The following EPN1 variants were observed in gnomAD, a reference collection of about 807,000 sequenced individuals.
The protein encoded by EPN1 is epsin-1.
In EPN1, 25 loss-of-function variants were observed where a neutral mutation model predicts 56.9. That is an observed-to-expected ratio of 0.44 (90% confidence interval 0.32 to 0.61). EPN1 has a LOEUF of 0.61. Ranked by LOEUF, EPN1 falls within the 20% of genes least tolerant of loss-of-function variation. The pLI is 0.05. For synonymous variants in EPN1, 411 were observed against 361.8 expected (o/e 1.14, Z -1.54); for missense variants, 785 against 823.7 (o/e 0.95, Z 0.58).
At chr19:55,690,187 T>G (rs1986446463) in intron 6 of EPN1, among the ~76,000 whole-genome samples, 1 of 152,216 alleles carries the variant, frequency 6.6e-6, no homozygotes, top group Non-Finnish European at 1.5e-5. Flanking sequence ...GCCATCCCCC[T>G]TCGGGCTGAG....
intron 2 of EPN1, among the ~76,000 whole-genome samples, chr19:55,684,054 A>G (rs912058396): frequency 9.2e-5 from 14 of 152,314 alleles, no homozygotes; most frequent in South Asian, 4.1e-4. Context: ...AGGCATAGCA[A>G]TGGCTTACCT....
intron 6 of EPN1, among the ~76,000 whole-genome samples, chr19:55,690,510 GT>G (rs544359030): frequency 1.2e-3 from 176 of 152,360 alleles, no homozygotes; most frequent in African/African-American, 4.1e-3. Context: ...CTGGCTGGTT[GT>G]TTCGTGTCAT....
At position 55,706,972 on chromosome 19, in the gene EPN1, T is replaced by A. The variant is rs1987454384; in HGVS notation, c.*11616T>A. On this transcript the variant is annotated 3_prime_UTR_variant, in exon 11 of 11. Transcript: ENST00000270460. Reference sequence around the variant, plus strand: ...GGCGGATTACCTCAGGTCAGGAGTTTGAGACCAGCCTGACCAACATGGCAA... The same window carrying A: ...GGCGGATTACCTCAGGTCAGGAGTTAGAGACCAGCCTGACCAACATGGCAA... 1 of 151,976 alleles carries A rather than the reference T, an allele frequency of 6.6e-6. No individual in the cohort carries two copies. The highest frequency in any genetic ancestry group is 6.6e-5 in the Admixed American group (1 of 15,250). 9.4% of individuals were successfully genotyped at this position (151,976 alleles called of 1,614,324 possible).
At position 55,690,535 on chromosome 19, in the gene EPN1, C is replaced by G. The variant is rs1397695413; in HGVS notation, c.762+585C>G. Among the ~76,000 whole-genome samples, 2 of 152,244 alleles carry G rather than the reference C, an allele frequency of 1.3e-5. 1 individual carries two copies. The highest frequency in any genetic ancestry group is 2.9e-5 in the Non-Finnish European group (2 of 68,036). On this transcript the variant is annotated intron_variant, in intron 6 of 10. Coordinates refer to ENST00000270460, the MANE Select transcript of EPN1 (RefSeq NM_001130072.2). ...GTTTCGTGTCATGGCTGAGGTCACT[C>G]ATGCCTCTGGGCCCGGGGTGTCCGC...
Position 55,691,665 on chromosome 19 carries a change from C to T in EPN1, c.763-89C>T, listed in dbSNP as rs1600107134. The T allele has an allele frequency of 4.1e-6, 5 of 1,221,630 alleles. No individual in the cohort carries two copies. In the East Asian group the frequency reaches 9.8e-5, roughly 24 times the overall value. The allele number at this position is 1,221,630 out of a possible 1,614,324, so 75.7% of individuals were successfully genotyped here. ...TGCTGTCTGGACACCCAGGGCCTGGCCGCCTCCCCCGCCACGGGCCCCAGC... is the reference window on the plus strand; with the variant it reads ...TGCTGTCTGGACACCCAGGGCCTGGTCGCCTCCCCCGCCACGGGCCCCAGC... On this transcript the variant is annotated intron_variant, in intron 6 of 10. Transcript: ENST00000270460. This position sits in a 1 kb window ranked among gnomAD's most constrained non-coding sequence, Gnocchi z 5.6.
Position 55,691,967 on chromosome 19 carries a change from C to T in EPN1, c.976C>T (p.Pro326Ser), listed in dbSNP as rs766998303. The T allele has an allele frequency of 6.6e-7, 1 of 1,509,752 alleles. No homozygotes were observed. The highest frequency in any genetic ancestry group is 2.3e-5 in the East Asian group (1 of 42,814). The allele number at this position is 1,509,752 out of a possible 1,614,324, so 93.5% of individuals were successfully genotyped here. A position where few individuals can be genotyped will look rare whatever the true frequency, so the allele number is the denominator to read the frequency against. The change falls in exon 7 of 11, where the codon CCT (proline) becomes TCT (serine). Residue 326 changes from proline (P) to serine (S), a missense_variant. Pro to Ser is a moderately conservative substitution (Grantham distance 74). Transcript: ENST00000270460. This position sits in a 1 kb window ranked among gnomAD's most constrained non-coding sequence, Gnocchi z 5.6. ...ASGDPWRPAA[P>S]AGPSVDPWGG... ...TGGGGACCCCTGGAGGCCTGCTGCC[C>T]CTGCAGGACCCTCAGTTGACCCTTG...
intron 9 of EPN1, among the ~76,000 whole-genome samples, chr19:55,693,625 C>T (rs3786642): frequency 0.16 from 24,464 of 152,178 alleles, 2,265 homozygotes; most frequent in African/African-American, 0.25. Flanking sequence ...GGTGCTTCGC[C>T]GCGGCCCTCA....
chr19:55,708,825 T>C lies in EPN1; in HGVS notation c.*13469T>C, dbSNP rs1042695302. 1 of 867,254 alleles carries C rather than the reference T, an allele frequency of 1.2e-6. No homozygotes were observed. The allele number at this position is 867,254 out of a possible 1,614,324, so 53.7% of individuals were successfully genotyped here. A position where few individuals can be genotyped will look rare whatever the true frequency, so the allele number is the denominator to read the frequency against. ...AAATCACAGCCCTGCTGCCATGATG[T>C]GCAATTACAGGATAGAGGTGCCAGG... is the stretch of plus-strand genomic sequence containing the variant. On this transcript the variant is annotated 3_prime_UTR_variant, in exon 11 of 11. Coordinates refer to ENST00000270460, the MANE Select transcript of EPN1 (RefSeq NM_001130072.2).
chr19:55,695,595 G>T lies in EPN1; in HGVS notation c.*239G>T, dbSNP rs1171065216. The T allele has an allele frequency of 3.9e-6, 2 of 509,872 alleles. No homozygotes were observed. The highest frequency in any genetic ancestry group is 3.2e-5 in the East Asian group (1 of 31,192). 31.6% of individuals were successfully genotyped at this position (509,872 alleles called of 1,614,324 possible). A position where few individuals can be genotyped will look rare whatever the true frequency, so the allele number is the denominator to read the frequency against. ...GACCCCTTTCCCGTGGCATTAGAAG[G>T]GGGAGGGGTGGCTGGGGCCCCCACC... On this transcript the variant is annotated 3_prime_UTR_variant, in exon 11 of 11. Coordinates refer to ENST00000270460, the MANE Select transcript of EPN1 (RefSeq NM_001130072.2). This position sits in a 1 kb window ranked among gnomAD's most constrained non-coding sequence, Gnocchi z 4.4.
Position 55,688,919 on chromosome 19 carries a change from G to A in EPN1, c.528G>A (p.Ala176=), listed in dbSNP as rs61736526. 4.2e-3 allele frequency: 6,672 copies of A among 1,589,508 alleles called. 262 individuals are homozygous for A. The African/African-American group carries it at 0.077, about 18-fold the overall frequency. The part of the protein sequence containing the change: ...GSGPPPEAEQ[A]WPQSSGEEEL... ...GCCCCCCTCCCGAGGCGGAGCAGGC[G>A]TGGCCGCAGAGCAGCGGGGAGGAGG... The change falls in exon 4 of 11, where the codon GCG becomes GCA. Residue 176 remains alanine, a synonymous_variant. Transcript: ENST00000270460.
Position 55,705,736 on chromosome 19 carries a change from G to T in EPN1, c.*10380G>T, listed in dbSNP as rs1254303792. 1 of 150,430 alleles carries T rather than the reference G, an allele frequency of 6.6e-6. No homozygotes were observed. Among genetic ancestry groups the T allele is most frequent in the Admixed American group, 6.6e-5 (1 of 15,068 alleles). 9.3% of individuals were successfully genotyped at this position (150,430 alleles called of 1,614,324 possible). A position where few individuals can be genotyped will look rare whatever the true frequency, so the allele number is the denominator to read the frequency against. On this transcript the variant is annotated 3_prime_UTR_variant, in exon 11 of 11. Coordinates refer to ENST00000270460, the MANE Select transcript of EPN1 (RefSeq NM_001130072.2). ...AAAATCTTGAAAGTATCGAGAAAAT[G>T]ACATGTCAATCATAAGGTCAGGTTC...
chr19:55,689,794 C>A lies in EPN1; in HGVS notation c.679-73C>A. The A allele has an allele frequency of 7.0e-7, 1 of 1,419,540 alleles. No homozygotes were observed. The highest frequency in any genetic ancestry group is 9.7e-7 in the Non-Finnish European group (1 of 1,028,854). 87.9% of individuals were successfully genotyped at this position (1,419,540 alleles called of 1,614,324 possible). Reference sequence around the variant, plus strand: ...GTTGGGGTGGGAGGGGTTGCTGGGGCTTCCAGGCTGAGGTGGCATCTGCCC... The same window carrying A: ...GTTGGGGTGGGAGGGGTTGCTGGGGATTCCAGGCTGAGGTGGCATCTGCCC... On this transcript the variant is annotated intron_variant, in intron 5 of 10. Transcript: ENST00000270460. The surrounding 1 kb of genome is among the most constrained non-coding windows in gnomAD (Gnocchi z 5.7).
At chr19:55,680,541 T>TG (rs1380608342) in intron 2 of EPN1, 1 of 152,376 alleles carries the variant, frequency 6.6e-6, no homozygotes, top group Non-Finnish European at 1.5e-5. Flanking sequence ...GGGGGAGGGT[T>TG]GATGGCGTCT....
intron 2 of EPN1, among the ~76,000 whole-genome samples, chr19:55,684,797 G>GAGGCC (rs1986054180): frequency 1.3e-5 from 2 of 152,212 alleles, no homozygotes; most frequent in South Asian, 4.1e-4. Flanking sequence ...TGTTACTTTA[G>GAGGCC]ATTTTAGTTG....
In EPN1 at chr19:55,706,274, TTTCTTC is replaced by T. The variant is rs202183851; in HGVS notation, c.*10924_*10929del. On this transcript the variant is annotated 3_prime_UTR_variant, in exon 11 of 11. Transcript: ENST00000270460. ...TCCTCTTTTCTTCCTTTCTTCTCTTTTTCTTCTTCTTTTTTTTTTTTTTTTAAAAGA... is the reference window on the plus strand; with the variant it reads ...TCCTCTTTTCTTCCTTTCTTCTCTTTTTCTTTTTTTTTTTTTTTTAAAAGA... 5 of 125,234 alleles carry T rather than the reference TTTCTTC, an allele frequency of 4.0e-5. No homozygotes were observed. Among genetic ancestry groups the T allele is most frequent in the Non-Finnish European group, 7.8e-5 (5 of 63,860 alleles). 7.8% of individuals were successfully genotyped at this position (125,234 alleles called of 1,614,324 possible). A position where few individuals can be genotyped will look rare whatever the true frequency, so the allele number is the denominator to read the frequency against.
Position 55,695,128 on chromosome 19 carries a change from C to T in EPN1, c.1523-20C>T, listed in dbSNP as rs1213566404. 6.2e-7 allele frequency: 1 copy of T among 1,613,622 alleles called. No individual in the cohort carries two copies. Among genetic ancestry groups the T allele is most frequent in the South Asian group, 1.1e-5 (1 of 91,070 alleles). ...GCGCCACTGACTCCACTCCGTGTCT[C>T]TGGTTTACTCTTCCTGCAGGAGGCC... is the stretch of plus-strand genomic sequence containing the variant. On this transcript the variant is annotated intron_variant, in intron 10 of 10. Coordinates refer to ENST00000270460, the MANE Select transcript of EPN1 (RefSeq NM_001130072.2). This position sits in a 1 kb window ranked among gnomAD's most constrained non-coding sequence, Gnocchi z 4.4.
At chr19:55,690,529 G>A (rs1302564614) in intron 6 of EPN1, among the ~76,000 whole-genome samples, 3 of 152,210 alleles carry the variant, frequency 2.0e-5, no homozygotes, top group African/African-American at 7.2e-5. Flanking sequence ...CATGGCTGAG[G>A]TCACTCATGC....
chr19:55,702,514 C>G lies in EPN1; in HGVS notation c.*7158C>G, dbSNP rs957282947. 4 of 152,178 alleles carry G rather than the reference C, an allele frequency of 2.6e-5. No individual in the cohort carries two copies. The highest frequency in any genetic ancestry group is 5.9e-5 in the Non-Finnish European group (4 of 68,048). The allele number at this position is 152,178 out of a possible 1,614,324, so 9.4% of individuals were successfully genotyped here. ...ATGTGGCTTGGTGATTACCCAGGAA[C>G]CTCCCAAGTCTGTGCCCGAGTTGCT... is the stretch of plus-strand genomic sequence containing the variant. On this transcript the variant is annotated 3_prime_UTR_variant, in exon 11 of 11. Transcript: ENST00000270460.
rs1600116765 is a variant in EPN1 at position 55,704,603 on chromosome 19, G to A, written c.*9247G>A. 6.6e-6 allele frequency: 1 copy of A among 152,206 alleles called. No individual in the cohort carries two copies. The highest frequency in any genetic ancestry group is 2.4e-5 in the African/African-American group (1 of 41,434). 9.4% of individuals were successfully genotyped at this position (152,206 alleles called of 1,614,324 possible). A position where few individuals can be genotyped will look rare whatever the true frequency, so the allele number is the denominator to read the frequency against. On this transcript the variant is annotated 3_prime_UTR_variant, in exon 11 of 11. Transcript: ENST00000270460. ...CTCCCAGCTGGCGGTACTTTGTTATGACAGCCCTAACATGAATGCAGCCAT... is the reference window on the plus strand; with the variant it reads ...CTCCCAGCTGGCGGTACTTTGTTATAACAGCCCTAACATGAATGCAGCCAT...
Sources: allele counts gnomAD v4.1 joint callset (sites outside exome capture counted in the v4.1 genomes callset), GRCh38; gene constraint gnomAD v4.1.1; non-coding constraint Gnocchi (gnomAD v3.1); transcripts MANE v1.5; gene names NCBI Gene and HGNC (gene_info 2026-07-23, HGNC 2026-07-21).